OLFML2A: variants seen among roughly 807,000 people sequenced by gnomAD.
OLFML2A encodes the protein olfactomedin like 2A.
In OLFML2A, 47 loss-of-function variants were observed where a neutral mutation model predicts 60.9. The observed-to-expected ratio is 0.77, with a 90% CI of 0.61 to 0.98. The LOEUF (loss-of-function observed/expected upper bound fraction) is 0.98. Among genes scored for constraint, OLFML2A ranks in the 50% least tolerant of loss-of-function variants. OLFML2A has a pLI of 0.00. For missense variants in OLFML2A, 922 were observed against 879.8 expected (o/e 1.05, Z -0.61); for synonymous variants, 372 against 375.0 (o/e 0.99, Z 0.09).
intron 2 of OLFML2A, among the ~76,000 whole-genome samples, chr9:124,790,870 C>T (rs1417501659): frequency 6.6e-6 from 1 of 152,198 alleles, no homozygotes; most frequent in Non-Finnish European, 1.5e-5. Context: ...GGCACCTAGT[C>T]TGTATCCCAC....
At chr9:124,809,710 C>T in intron 7 of OLFML2A, 98 bp from the exon 8 acceptor site, 1 of 1,397,204 alleles carries the variant, frequency 7.2e-7, no homozygotes, top group South Asian at 1.4e-5. Flanking sequence ...TGGTATCAGT[C>T]ACTTACTGGG....
In OLFML2A at chr9:124,807,889, A is replaced by G; in HGVS notation, c.1277A>G (p.Asp426Gly). ...GAWMKDPAAR[D>G]DRIYVTNYYY... ...TGGATGAAGGACCCTGCAGCTCGAG[A>G]CGACAGGATCTATGTCACCAACTAC... The change falls in exon 7 of 8, where the codon GAC becomes GGC. Residue 426 changes from aspartate to glycine, a missense_variant. Physicochemically the swap from Asp to Gly is moderately conservative, Grantham distance 94. Coordinates refer to ENST00000373580, the MANE Select transcript of OLFML2A (RefSeq NM_182487.4). 1 of 1,614,154 alleles carries G rather than the reference A, an allele frequency of 6.2e-7. No individual in the cohort carries two copies. The highest frequency in any genetic ancestry group is 8.5e-7 in the Non-Finnish European group (1 of 1,180,006).
intron 4 of OLFML2A, chr9:124,801,060 G>T (rs1158542334): frequency 6.4e-7 from 1 of 1,551,546 alleles, no homozygotes; most frequent in Non-Finnish European, 8.7e-7. Context: ...GAGTAAGAGA[G>T]ACAAGGCTGG....
chr9:124,793,751 C>T (rs973502674), intron 2 of OLFML2A, among the ~76,000 whole-genome samples: 3 of 152,120 alleles, frequency 2.0e-5, no homozygotes, highest in East Asian at 1.9e-4. Flanking sequence ...CTGAGCTGGG[C>T]GTGGTGGCTC....
chr9:124,790,999 T>G (rs1356185960), intron 2 of OLFML2A, among the ~76,000 whole-genome samples: 2 of 152,164 alleles, frequency 1.3e-5, no homozygotes, highest in Admixed American at 1.3e-4. Flanking sequence ...CCATCTTGAC[T>G]GGGGGTTGGA....
At position 124,812,973 on chromosome 9, in the gene OLFML2A, A is replaced by T. The variant is rs542925922; in HGVS notation, c.*2561A>T. 50 of 151,636 alleles carry T rather than the reference A, an allele frequency of 3.3e-4. No individual in the cohort carries two copies. Among genetic ancestry groups the T allele is most frequent in the African/African-American group, 1.2e-3 (49 of 41,252 alleles). The allele number at this position is 151,636 out of a possible 1,614,324, so 9.4% of individuals were successfully genotyped here. On this transcript the variant is annotated 3_prime_UTR_variant, in exon 8 of 8. Transcript: ENST00000373580. The stretch of plus-strand genomic sequence containing the variant: ...TTTCTTTTCTTTTCTTTTTTTTGAG[A>T]CAGAGTTTCGCTTTTGTTGCCCGGG...
chr9:124,794,096 G>C (rs1371452855), intron 2 of OLFML2A, among the ~76,000 whole-genome samples: 1 of 152,218 alleles, frequency 6.6e-6, no homozygotes, highest in Non-Finnish European at 1.5e-5. Flanking sequence ...GGAGACGCAG[G>C]GTGGGGAGAA....
At chr9:124,807,311 A>AGAG (rs972354417) in intron 6 of OLFML2A, among the ~76,000 whole-genome samples, 26 of 52,440 alleles carry the variant, frequency 5.0e-4, no homozygotes, top group African/African-American at 2.8e-3. Flanking sequence ...TTTTTTGAGA[A>AGAG]GAGTTTCACT....
intron 1 of OLFML2A, among the ~76,000 whole-genome samples, chr9:124,786,253 T>C (rs1458701653): frequency 6.6e-6 from 1 of 152,042 alleles, no homozygotes; most frequent in Admixed American, 6.6e-5. Context: ...CAAAACCCCC[T>C]GTTTACAAAA....
chr9:124,781,003 C>T (rs899417015), intron 1 of OLFML2A, among the ~76,000 whole-genome samples: 1 of 152,216 alleles, frequency 6.6e-6, no homozygotes, highest in African/African-American at 2.4e-5. Context: ...GCATCTGCAG[C>T]TCCCAGGTGC....
chr9:124,797,431 T>C (rs914380531), intron 3 of OLFML2A, among the ~76,000 whole-genome samples: 2 of 152,176 alleles, frequency 1.3e-5, no homozygotes, highest in Non-Finnish European at 2.9e-5. Context: ...TGGCCCAAAG[T>C]TACCCAGCCA....
intron 1 of OLFML2A, chr9:124,778,891 A>G: frequency 3.2e-6 from 3 of 942,686 alleles, no homozygotes; most frequent in Non-Finnish European, 3.8e-6. Flanking sequence ...TGAGGGCAAA[A>G]AAGTGACTTC....
chr9:124,778,634 AAAAT>A (rs1371988382), intron 1 of OLFML2A, among the ~76,000 whole-genome samples: 1 of 149,686 alleles, frequency 6.7e-6, no homozygotes, highest in Non-Finnish European at 1.5e-5. Context: ...AAAAAAAAAA[AAAAT>A]TAAATTAAAT....
At position 124,804,284 on chromosome 9, in the gene OLFML2A, C is replaced by G; in HGVS notation, c.1110C>G (p.Thr370=). 6.4e-7 allele frequency: 1 copy of G among 1,571,994 alleles called. No individual in the cohort carries two copies. The highest frequency in any genetic ancestry group is 8.6e-7 in the Non-Finnish European group (1 of 1,159,868). ...CCACCACCGCCACCACCACCCCAAC[C>G]CCCACCACCAGTCTCCTGCCCACCG... The part of the protein sequence containing the change: ...ATTTTATTTP[T]PTTSLLPTEP... Residue 370 remains threonine, a synonymous_variant, in exon 6 of 8, where the codon ACC becomes ACG. Transcript: ENST00000373580.
At chr9:124,785,466 C>T (rs1332419263) in intron 1 of OLFML2A, among the ~76,000 whole-genome samples, 15 of 137,188 alleles carry the variant, frequency 1.1e-4, no homozygotes, top group East Asian at 4.5e-4. Flanking sequence ...GGCGCGATCT[C>T]GGCTCACTGC....
intron 5 of OLFML2A, among the ~76,000 whole-genome samples, chr9:124,803,783 A>C (rs75298623): frequency 6.6e-6 from 1 of 152,150 alleles, no homozygotes; most frequent in Non-Finnish European, 1.5e-5. Flanking sequence ...GCAAATGTTT[A>C]TGTACATTTT....
chr9:124,782,180 G>A (rs1461394581), intron 1 of OLFML2A, among the ~76,000 whole-genome samples: 2 of 152,256 alleles, frequency 1.3e-5, no homozygotes, highest in Non-Finnish European at 2.9e-5. Context: ...CAATTGCTCA[G>A]GGAGAAGCCC....
At chr9:124,786,832 CTCT>C in intron 1 of OLFML2A, 140 bp from the exon 2 acceptor site, 1 of 718,516 alleles carries the variant, frequency 1.4e-6, no homozygotes, top group East Asian at 2.5e-5. Flanking sequence ...GCTTCACCAC[CTCT>C]AATTGCACCC....
In OLFML2A at chr9:124,810,500, T is replaced by A; in HGVS notation, c.*88T>A. 3.0e-6 allele frequency: 4 copies of A among 1,347,988 alleles called. No individual in the cohort carries two copies. The highest frequency in any genetic ancestry group is 4.0e-6 in the Non-Finnish European group (4 of 1,005,738). 83.5% of individuals were successfully genotyped at this position (1,347,988 alleles called of 1,614,324 possible). ...TGCAACTGACCCAGTCCGCAAATATTTATTGGGGGCCAGCCCAGGGCTGGG... is the reference window on the plus strand; with the variant it reads ...TGCAACTGACCCAGTCCGCAAATATATATTGGGGGCCAGCCCAGGGCTGGG... On this transcript the variant is annotated 3_prime_UTR_variant, in exon 8 of 8. Transcript: ENST00000373580.
Sources: gnomAD v4.1 joint callset for allele counts (sites outside exome capture counted in the v4.1 genomes callset) on GRCh38, gnomAD v4.1.1 for gene constraint, MANE v1.5 for transcripts, NCBI Gene and HGNC (gene_info 2026-07-23, HGNC 2026-07-21) for gene names.